Variants in CPOX observed in about 807,000 individuals in gnomAD.
The protein encoded by CPOX is oxygen-dependent coproporphyrinogen-III oxidase, mitochondrial.
CPOX carries 24 observed loss-of-function variants against 48.9 expected under a neutral mutation model. The observed-to-expected ratio is 0.49, with a 90% CI of 0.36 to 0.69. CPOX has a LOEUF of 0.69. Among genes scored for constraint, CPOX ranks in the 30% least tolerant of loss-of-function variants. CPOX has a pLI of 0.00. For missense variants in CPOX, 549 were observed against 597.3 expected, an observed-to-expected ratio of 0.92 and a Z score of 0.84; for synonymous variants, 249 against 234.6, an observed-to-expected ratio of 1.06 and a Z score of -0.56.
Position 98,585,432 on chromosome 3 carries a change from G to A in CPOX, c.1172+9C>T. 1 of 1,612,388 alleles carries A rather than the reference G, an allele frequency of 6.2e-7. No homozygotes were observed. The highest frequency in any genetic ancestry group is 8.5e-7 in the Non-Finnish European group (1 of 1,178,912). ...TAGCCATGAAAGAATTCGTTTTCCAGTCACTTACCGTCCTCTTCTGAGCTG... is the reference window on the plus strand; with the variant it reads ...TAGCCATGAAAGAATTCGTTTTCCAATCACTTACCGTCCTCTTCTGAGCTG... On this transcript the variant is annotated intron_variant, in intron 5 of 6. Transcript: ENST00000647941.
downstream of CPOX, among the ~76,000 whole-genome samples, chr3:98,576,910 T>A (rs1485147575): frequency 6.6e-6 from 1 of 152,076 alleles, no homozygotes; most frequent in East Asian, 1.9e-4. Flanking sequence ...GTACTATAAA[T>A]AAGGAAAGAT....
chr3:98,592,529 A>G (rs1707499894), intron 1 of CPOX, among the ~76,000 whole-genome samples: 1 of 152,148 alleles, frequency 6.6e-6, no homozygotes, highest in African/African-American at 2.4e-5. Context: ...CACTTAGCGC[A>G]CAGGAGATGA....
intron 4 of CPOX, among the ~76,000 whole-genome samples, chr3:98,587,837 G>T (rs1201742087): frequency 6.6e-6 from 1 of 151,898 alleles, no homozygotes; most frequent in African/African-American, 2.4e-5. Flanking sequence ...GTAATAGCTA[G>T]AAAAAGGAAC....
chr3:98,590,323 A>G (rs1707454798), intron 3 of CPOX, among the ~76,000 whole-genome samples: 1 of 152,180 alleles, frequency 6.6e-6, no homozygotes, highest in Non-Finnish European at 1.5e-5. Context: ...AAGTTTTTGT[A>G]TTTTTAGTAG....
intron 1 of CPOX, 50 bp from the exon 2 acceptor site, chr3:98,591,205 C>CTGAAAGCA: frequency 6.3e-7 from 1 of 1,594,402 alleles, no homozygotes. Context: ...ATGTGCAAAA[C>CTGAAAGCA]TGAAAGCAAC....
chr3:98,578,055 AC>A (rs1559672233), downstream of CPOX, among the ~76,000 whole-genome samples: 1 of 152,046 alleles, frequency 6.6e-6, no homozygotes, highest in East Asian at 1.9e-4. Context: ...CCCTCCAGAC[AC>A]CCTTTATTAC....
At position 98,586,152 on chromosome 3, in the gene CPOX, G is replaced by A. The variant is rs138556073; in HGVS notation, c.954-493C>T. On this transcript the variant is annotated intron_variant, in intron 4 of 6. Transcript: ENST00000647941. ...CTCCCAAAGTGCTGGGATTACAGGC[G>A]TGAGCCACCATGCCTGGCTGCTTAT... 1.2e-3 allele frequency among the ~76,000 whole-genome samples: 188 copies of A among 152,252 alleles called. 1 individual carries two copies. The East Asian group carries it at 0.029, about 23-fold the overall frequency.
Position 98,593,547 on chromosome 3 carries a change from C to G in CPOX, c.-43G>C, listed in dbSNP as rs763595872. ...TGGAGCAGTGCCTGCGTCCCAGAGC[C>G]CTGCGTTTGAGCCCCCCACCCAGAC... On this transcript the variant is annotated 5_prime_UTR_variant, in exon 1 of 7. Coordinates refer to ENST00000647941, the MANE Select transcript of CPOX (RefSeq NM_000097.7). 112 of 1,502,754 alleles carry G rather than the reference C, an allele frequency of 7.5e-5. No individual in the cohort carries two copies. The highest frequency in any genetic ancestry group is 9.7e-5 in the Non-Finnish European group (109 of 1,128,814). 93.1% of individuals were successfully genotyped at this position (1,502,754 alleles called of 1,614,324 possible).
At chr3:98,581,355 G>T in intron 6 of CPOX, 52 bp downstream of exon 6, 1 of 1,278,438 alleles carries the variant, frequency 7.8e-7, no homozygotes, top group South Asian at 1.2e-5. Context: ...TTTTGTGGGT[G>T]TTTGGGAATT....
chr3:98,587,492 T>C (rs982535640), intron 4 of CPOX, among the ~76,000 whole-genome samples: 1 of 148,688 alleles, frequency 6.7e-6, no homozygotes, highest in Non-Finnish European at 1.5e-5. Flanking sequence ...TGAGTGTTCT[T>C]GCCGGTGGGG....
At chr3:98,573,287 G>C in the CPOX span, among the ~76,000 whole-genome samples, 2 of 152,186 alleles carry the variant, frequency 1.3e-5, no homozygotes, top group Non-Finnish European at 2.9e-5. Context: ...ATCATAAAGT[G>C]AGACATGAAA....
At chr3:98,572,643 G>C in the CPOX span, among the ~76,000 whole-genome samples, 1 of 152,068 alleles carries the variant, frequency 6.6e-6, no homozygotes, top group Non-Finnish European at 1.5e-5. Flanking sequence ...TTACTATACT[G>C]TATTTAACAT....
At chr3:98,573,983 G>T in the CPOX span, among the ~76,000 whole-genome samples, 1 of 152,074 alleles carries the variant, frequency 6.6e-6, no homozygotes, top group African/African-American at 2.4e-5. Flanking sequence ...CCCCCAGTTC[G>T]GTCTGTGATG....
chr3:98,586,501 TG>T (rs759370380), intron 4 of CPOX, among the ~76,000 whole-genome samples: 11 of 152,162 alleles, frequency 7.2e-5, no homozygotes, highest in Non-Finnish European at 1.5e-4. Flanking sequence ...AGGGAAAAGT[TG>T]GTGGAAAAAA....
chr3:98,588,612 C>T, intron 4 of CPOX, 101 bp downstream of exon 4: 1 of 1,264,690 alleles, frequency 7.9e-7, no homozygotes, highest in Non-Finnish European at 1.2e-6. Flanking sequence ...AAACTAGTTC[C>T]ATTTTCATAA....
chr3:98,593,591 G>T lies in CPOX; in HGVS notation c.-87C>A, dbSNP rs908936882. 1.5e-6 allele frequency: 2 copies of T among 1,364,320 alleles called. No individual in the cohort carries two copies. The highest frequency in any genetic ancestry group is 3.0e-5 in the African/African-American group (2 of 66,944). 84.5% of individuals were successfully genotyped at this position (1,364,320 alleles called of 1,614,324 possible). A position where few individuals can be genotyped will look rare whatever the true frequency, so the allele number is the denominator to read the frequency against. The stretch of plus-strand genomic sequence containing the variant: ...CCCAGACCCCCGGAGTATTGAGCCG[G>T]CGAGCTGCACAGGCGGAAAGAACCT... On this transcript the variant is annotated 5_prime_UTR_variant, in exon 1 of 7. Coordinates refer to ENST00000647941, the MANE Select transcript of CPOX (RefSeq NM_000097.7).
chr3:98,581,382 C>T, intron 6 of CPOX, 25 bp downstream of exon 6: 1 of 1,516,080 alleles, frequency 6.6e-7, no homozygotes, highest in African/African-American at 1.4e-5. Context: ...GTAGGGATAA[C>T]TACTAAAATG....
Position 98,588,041 on chromosome 3 carries a change from G to A in CPOX, c.953+672C>T, listed in dbSNP as rs1233219081. Among the ~76,000 whole-genome samples the A allele has an allele frequency of 3.3e-5, 5 of 152,222 alleles. No individual in the cohort carries two copies. In the East Asian group the frequency reaches 9.6e-4, roughly 29 times the overall value. On this transcript the variant is annotated intron_variant, in intron 4 of 6. Coordinates refer to ENST00000647941, the MANE Select transcript of CPOX (RefSeq NM_000097.7). ...TTTTAAAGCTGAACTCCATACTCTTGCATAAATATTAACATTCCACAACTA... is the reference window on the plus strand; with the variant it reads ...TTTTAAAGCTGAACTCCATACTCTTACATAAATATTAACATTCCACAACTA...
intron 3 of CPOX, among the ~76,000 whole-genome samples, chr3:98,589,183 G>T (rs537298811): frequency 6.6e-6 from 1 of 152,162 alleles, no homozygotes; most frequent in African/African-American, 2.4e-5. Flanking sequence ...ATAGCCGGGT[G>T]TGGTGGTCAC....
Sources: gnomAD v4.1 joint callset for allele counts (sites outside exome capture counted in the v4.1 genomes callset) on GRCh38, gnomAD v4.1.1 for gene constraint, MANE v1.5 for transcripts, NCBI Gene and HGNC (gene_info 2026-07-23, HGNC 2026-07-21) for gene names.